Variants in MTUS2 observed in about 807,000 individuals in gnomAD.
MTUS2 encodes microtubule associated scaffold protein 2.
MTUS2 carries 40 observed loss-of-function variants against 114.1 expected under a neutral mutation model. That is an observed-to-expected ratio of 0.35 (90% confidence interval 0.27 to 0.46). MTUS2 has a LOEUF of 0.46. Ranked by LOEUF, MTUS2 falls within the 20% of genes least tolerant of loss-of-function variation. The probability of loss-of-function intolerance (pLI) is 1.00; values close to 1 mark genes in which losing one functional copy is unlikely to be tolerated. For missense variants in MTUS2, 1,679 were observed against 1,705.4 expected (o/e 0.98, Z 0.27); for synonymous variants, 688 against 672.0 (o/e 1.02, Z -0.37).
chr13:29,095,279 A>G (rs1033566911), intron 4 of MTUS2, among the ~76,000 whole-genome samples: 91 of 152,154 alleles, frequency 6.0e-4, no homozygotes, highest in South Asian at 1.2e-3. Flanking sequence ...TGAATTGTTT[A>G]TTTCTCCTGT....
chr13:29,133,800 G>A (rs958777108), intron 5 of MTUS2, among the ~76,000 whole-genome samples: 10 of 152,144 alleles, frequency 6.6e-5, no homozygotes, highest in African/African-American at 2.4e-4. Context: ...CCAGCTAAAT[G>A]TTAGTCAATT....
chr13:29,097,404 T>A (rs964226449), intron 4 of MTUS2, among the ~76,000 whole-genome samples: 1 of 152,234 alleles, frequency 6.6e-6, no homozygotes, highest in African/African-American at 2.4e-5. Context: ...GTTGTCTTTT[T>A]TATGTGCCAC....
chr13:29,187,441 G>T (rs984032443), intron 5 of MTUS2, among the ~76,000 whole-genome samples: 2 of 152,096 alleles, frequency 1.3e-5, no homozygotes, highest in African/African-American at 4.8e-5. Context: ...AGAGATATAA[G>T]AAGGGTTATA....
intron 7 of MTUS2, among the ~76,000 whole-genome samples, chr13:29,325,735 C>T (rs1311958889): frequency 6.6e-6 from 1 of 152,074 alleles, no homozygotes; most frequent in South Asian, 2.1e-4. Flanking sequence ...CAGGTACTGC[C>T]CTGTGCTCTT....
chr13:29,290,372 C>T (rs1029246984), intron 6 of MTUS2, among the ~76,000 whole-genome samples: 1 of 152,132 alleles, frequency 6.6e-6, no homozygotes, highest in Non-Finnish European at 1.5e-5. Context: ...CTCTGTCTCC[C>T]AGGCTGGAGT....
At chr13:28,835,249 A>T (rs1010007763) in intron 1 of MTUS2, among the ~76,000 whole-genome samples, 26 of 152,234 alleles carry the variant, frequency 1.7e-4, no homozygotes, top group Non-Finnish European at 3.4e-4. Flanking sequence ...ACTGGAAACA[A>T]TCCAAATGTC....
At chr13:29,049,167 G>A (rs1317726459) in intron 4 of MTUS2, among the ~76,000 whole-genome samples, 1 of 152,224 alleles carries the variant, frequency 6.6e-6, no homozygotes, top group East Asian at 1.9e-4. Flanking sequence ...TGGCCAGTGA[G>A]AGTCTAAGTA....
chr13:29,216,012 A>T (rs1268698037), intron 5 of MTUS2, among the ~76,000 whole-genome samples: 1 of 152,120 alleles, frequency 6.6e-6, no homozygotes, highest in Non-Finnish European at 1.5e-5. Flanking sequence ...TGTCCCAGGG[A>T]GATCGGAGTT....
At chr13:29,491,825 T>TGA (rs1394950532) in intron 11 of MTUS2, among the ~76,000 whole-genome samples, 2 of 148,316 alleles carry the variant, frequency 1.3e-5, no homozygotes, top group Non-Finnish European at 3.0e-5. Context: ...GGTAGGTGTG[T>TGA]GTGTGTGGTA....
At chr13:29,118,119 C>T (rs1891165356) in intron 5 of MTUS2, among the ~76,000 whole-genome samples, 1 of 152,066 alleles carries the variant, frequency 6.6e-6, no homozygotes, top group African/African-American at 2.4e-5. Flanking sequence ...TGGTTTCTCA[C>T]CCAGGAAATG....
intron 5 of MTUS2, among the ~76,000 whole-genome samples, chr13:29,261,007 G>T (rs1251934845): frequency 6.6e-6 from 1 of 152,132 alleles, no homozygotes; most frequent in African/African-American, 2.4e-5. Context: ...AGGCTAAAGG[G>T]AAAGAGTCCT....
chr13:28,898,608 T>C (rs1160872630), intron 2 of MTUS2, among the ~76,000 whole-genome samples: 1 of 152,218 alleles, frequency 6.6e-6, no homozygotes, highest in African/African-American at 2.4e-5. Context: ...AAGTACCATC[T>C]GAGTGCCACA....
intron 7 of MTUS2, among the ~76,000 whole-genome samples, chr13:29,335,066 C>T (rs1900983740): frequency 6.6e-6 from 1 of 152,208 alleles, no homozygotes. Flanking sequence ...ACCTTAAAGT[C>T]TGGCTGCCTG....
chr13:28,983,884 G>A (rs532915763), intron 2 of MTUS2, among the ~76,000 whole-genome samples: 6 of 152,216 alleles, frequency 3.9e-5, no homozygotes, highest in Non-Finnish European at 5.9e-5. Context: ...ACAGCTTACC[G>A]CAGGAAGGAC....
chr13:29,061,155 A>G (rs1309486780), intron 4 of MTUS2, among the ~76,000 whole-genome samples: 1 of 152,094 alleles, frequency 6.6e-6, no homozygotes, highest in African/African-American at 2.4e-5. Context: ...ATCTTGTTTG[A>G]TACTGTATAT....
At chr13:28,842,768 G>T (rs1383290710) in intron 2 of MTUS2, among the ~76,000 whole-genome samples, 1 of 152,186 alleles carries the variant, frequency 6.6e-6, no homozygotes, top group Non-Finnish European at 1.5e-5. Flanking sequence ...GTTAGATTAG[G>T]TATAGAGCAC....
intron 6 of MTUS2, among the ~76,000 whole-genome samples, chr13:29,299,532 G>A (rs977624766): frequency 2.0e-5 from 3 of 152,140 alleles, no homozygotes; most frequent in Admixed American, 6.5e-5. Context: ...ATTGAGTTAC[G>A]TTTATGCTAA....
intron 2 of MTUS2, among the ~76,000 whole-genome samples, chr13:28,981,722 C>T (rs1884366726): frequency 1.3e-5 from 2 of 152,120 alleles, no homozygotes. Context: ...TGCCCAGTGA[C>T]CCCTGTGCCA....
At chr13:29,174,779 A>T (rs1222091215) in intron 5 of MTUS2, among the ~76,000 whole-genome samples, 2 of 152,210 alleles carry the variant, frequency 1.3e-5, no homozygotes, top group Non-Finnish European at 2.9e-5. Context: ...TTGTCCCTTT[A>T]TCCCAGCAGG....
Sources: gnomAD v4.1 joint callset for allele counts (sites outside exome capture counted in the v4.1 genomes callset) on GRCh38, gnomAD v4.1.1 for gene constraint, MANE v1.5 for transcripts, NCBI Gene and HGNC (gene_info 2026-07-23, HGNC 2026-07-21) for gene names.